Variants in TLL1 observed in about 807,000 individuals in gnomAD.
TLL1 encodes tolloid-like protein 1.
In TLL1, 49 loss-of-function variants were observed where a neutral mutation model predicts 128.2. The ratio of observed to expected loss-of-function variants is 0.38; its 90% confidence interval spans 0.30 to 0.48. The LOEUF (loss-of-function observed/expected upper bound fraction) is 0.48, where lower values mean the gene tolerates loss of function less well. Among genes scored for constraint, TLL1 ranks in the 20% least tolerant of loss-of-function variants. TLL1 has a pLI of 0.96. For missense variants in TLL1, 1,123 were observed against 1,242.0 expected (o/e 0.90, Z 1.44); for synonymous variants, 454 against 418.8 (o/e 1.08, Z -1.03).
chr4:165,908,548 C>G lies in TLL1; in HGVS notation c.169+34475C>G, dbSNP rs1732378388. On this transcript the variant is annotated intron_variant, in intron 1 of 20. Transcript: ENST00000061240. Reference sequence around the variant, plus strand: ...TAGTGAGCCATGGTTGTACTGTACTCCAGCAGCCTGGGTGACAGAGTGAGA... The same window carrying G: ...TAGTGAGCCATGGTTGTACTGTACTGCAGCAGCCTGGGTGACAGAGTGAGA... Among the ~76,000 whole-genome samples, 3 of 149,850 alleles carry G rather than the reference C, an allele frequency of 2.0e-5. No individual in the cohort carries two copies. In the Admixed American group the frequency reaches 2.0e-4, roughly 10 times the overall value.
intron 10 of TLL1, 37 bp from the exon 11 acceptor site, chr4:166,041,990 A>G (rs1263624855): frequency 1.0e-5 from 14 of 1,389,232 alleles, no homozygotes; most frequent in Non-Finnish European, 1.4e-5. Flanking sequence ...ATAGAGTCCT[A>G]TTTAGGAGTT....
chr4:165,950,545 A>G (rs1734462976), intron 1 of TLL1, among the ~76,000 whole-genome samples: 1 of 152,136 alleles, frequency 6.6e-6, no homozygotes, highest in South Asian at 2.1e-4. Context: ...AAGTTAAAAA[A>G]TCGAAATTAT....
chr4:165,924,475 A>G (rs1434772632), intron 1 of TLL1, among the ~76,000 whole-genome samples: 2 of 152,226 alleles, frequency 1.3e-5, no homozygotes, highest in Non-Finnish European at 2.9e-5. Flanking sequence ...CTCTAACTCT[A>G]TTCAAGGCTA....
chr4:165,982,248 C>T (rs547729281), intron 1 of TLL1, among the ~76,000 whole-genome samples: 7 of 151,582 alleles, frequency 4.6e-5, no homozygotes, highest in Non-Finnish European at 8.8e-5. Context: ...CATTTAATAG[C>T]AATATGTGTT....
chr4:166,058,235 C>T (rs1296313780), intron 14 of TLL1, among the ~76,000 whole-genome samples: 1 of 151,948 alleles, frequency 6.6e-6, no homozygotes, highest in African/African-American at 2.4e-5. Flanking sequence ...GATTTTCATC[C>T]ACCCATCTAT....
intron 16 of TLL1, among the ~76,000 whole-genome samples, chr4:166,073,585 C>T (rs565002372): frequency 6.6e-6 from 1 of 152,132 alleles, no homozygotes; most frequent in East Asian, 1.9e-4. Context: ...ATCACAAATA[C>T]ACTAATTATG....
intron 1 of TLL1, among the ~76,000 whole-genome samples, chr4:165,921,347 A>T (rs997661813): frequency 1.1e-4 from 17 of 152,354 alleles, no homozygotes; most frequent in African/African-American, 3.6e-4. Flanking sequence ...GAAACAAAGT[A>T]ATTAATATAG....
intron 1 of TLL1, among the ~76,000 whole-genome samples, chr4:165,899,448 C>A (rs779642980): frequency 1.1e-4 from 17 of 152,108 alleles, no homozygotes; most frequent in Non-Finnish European, 2.5e-4. Flanking sequence ...TTTCAAAGAA[C>A]TTATTTATTT....
Position 165,893,713 on chromosome 4 carries a change from A to G in TLL1, c.169+19640A>G, listed in dbSNP as rs186912708. Among the ~76,000 whole-genome samples, 31 of 152,346 alleles carry G rather than the reference A, an allele frequency of 2.0e-4. No homozygotes were observed. The East Asian group carries it at 4.8e-3, about 24-fold the overall frequency. ...TCACCCAGAGCAGGTAACGGTACCT[A>G]TTCTCATGCAGTACACTTGTACAAC... On this transcript the variant is annotated intron_variant, in intron 1 of 20. Transcript: ENST00000061240.
At chr4:165,886,704 A>G (rs1731176444) in intron 1 of TLL1, among the ~76,000 whole-genome samples, 1 of 152,214 alleles carries the variant, frequency 6.6e-6, no homozygotes, top group Non-Finnish European at 1.5e-5. Flanking sequence ...TTAATACAAT[A>G]TAAATGCTAT....
intron 1 of TLL1, among the ~76,000 whole-genome samples, chr4:165,939,550 G>C (rs72970200): frequency 0.036 from 5,435 of 151,892 alleles, 287 homozygotes; most frequent in African/African-American, 0.12. Flanking sequence ...TTTTCACAGC[G>C]AGCTTCATCT....
At chr4:165,979,975 A>C (rs547316985) in intron 1 of TLL1, among the ~76,000 whole-genome samples, 1 of 152,260 alleles carries the variant, frequency 6.6e-6, no homozygotes. Flanking sequence ...CGTGACAATC[A>C]GAAAGGTTTT....
intron 1 of TLL1, among the ~76,000 whole-genome samples, chr4:165,969,688 T>G (rs1462902568): frequency 1.3e-5 from 2 of 152,284 alleles, no homozygotes; most frequent in Non-Finnish European, 2.9e-5. Flanking sequence ...ATTCAGGGCC[T>G]GCTTTTCTCT....
At chr4:165,878,920 C>CT (rs140447889) in intron 1 of TLL1, among the ~76,000 whole-genome samples, 13,003 of 60,500 alleles carry the variant, frequency 0.21, 3,592 homozygotes, top group Admixed American at 0.29. Flanking sequence ...TGATGGCTTC[C>CT]TTTTTTTTTT....
chr4:166,018,825 G>A (rs1388144754), intron 8 of TLL1, among the ~76,000 whole-genome samples: 1 of 152,178 alleles, frequency 6.6e-6, no homozygotes, highest in East Asian at 1.9e-4. Context: ...AGAGGCTGTA[G>A]AGTAAAGGGA....
chr4:166,103,344 T>C lies in TLL1; in HGVS notation c.*2468T>C, dbSNP rs1742372866. On this transcript the variant is annotated 3_prime_UTR_variant, in exon 21 of 21. Transcript: ENST00000061240. ...TTAGAATACCAATGATAGCTATCTT[T>C]AAGAATCAGAATTAGTACTAGAAAT... The C allele has an allele frequency of 6.6e-6, 1 of 151,896 alleles. No individual in the cohort carries two copies. The highest frequency in any genetic ancestry group is 2.4e-5 in the African/African-American group (1 of 41,418). The allele number at this position is 151,896 out of a possible 1,614,324, so 9.4% of individuals were successfully genotyped here. A position where few individuals can be genotyped will look rare whatever the true frequency, so the allele number is the denominator to read the frequency against.
At chr4:166,069,560 G>T (rs1406447526) in intron 16 of TLL1, among the ~76,000 whole-genome samples, 1 of 151,680 alleles carries the variant, frequency 6.6e-6, no homozygotes, top group Admixed American at 6.6e-5. Flanking sequence ...AACATACAAT[G>T]AAATAATATA....
chr4:165,876,073 A>T (rs1223641269), intron 1 of TLL1, among the ~76,000 whole-genome samples: 1 of 152,234 alleles, frequency 6.6e-6, no homozygotes, highest in African/African-American at 2.4e-5. Context: ...ACCAGTGCAC[A>T]CCTGTGTGTG....
At position 166,073,149 on chromosome 4, in the gene TLL1, A is replaced by G. The variant is rs559412617; in HGVS notation, c.2189-1729A>G. Among the ~76,000 whole-genome samples the G allele has an allele frequency of 1.3e-4, 20 of 152,254 alleles. No homozygotes were observed. In the South Asian group the frequency reaches 4.1e-3, roughly 32 times the overall value. On this transcript the variant is annotated intron_variant, in intron 16 of 20. Coordinates refer to ENST00000061240, the MANE Select transcript of TLL1 (RefSeq NM_012464.5). ...ATAAATTCTACATTCACTCATAAGG[A>G]AGCATCTTTCTGAAGCTTCGTAAGG... is the stretch of plus-strand genomic sequence containing the variant.
Sources: allele counts gnomAD v4.1 joint callset (sites outside exome capture counted in the v4.1 genomes callset), GRCh38; gene constraint gnomAD v4.1.1; transcripts MANE v1.5; gene names NCBI Gene and HGNC (gene_info 2026-07-23, HGNC 2026-07-21).